EMC1: variants seen among roughly 807,000 people sequenced by gnomAD.
EMC1 encodes KIAA0090.
Under a neutral mutation model 128.8 loss-of-function variants are expected in EMC1, and 103 were observed. That is an observed-to-expected ratio of 0.80 (90% CI 0.68 to 0.94). The LOEUF is 0.94. Among genes scored for constraint, EMC1 ranks in the 40% least tolerant of loss-of-function variants. The probability of loss-of-function intolerance (pLI) is 0.00; values close to 1 mark genes in which losing one functional copy is unlikely to be tolerated. For missense variants in EMC1, 1,083 were observed against 1,250.6 expected (o/e 0.87, Z 2.02); for synonymous variants, 442 against 490.4 (o/e 0.90, Z 1.30).
chr1:19,220,743 C>T, intron 21 of EMC1, 21 bp downstream of exon 21: 2 of 1,593,422 alleles, frequency 1.3e-6, no homozygotes, highest in Non-Finnish European at 1.7e-6. Flanking sequence ...GAGCCTTCAG[C>T]ACTGCCCATG....
intron 1 of EMC1, among the ~76,000 whole-genome samples, chr1:19,250,176 C>T (rs1365182202): frequency 4.4e-5 from 6 of 135,402 alleles, no homozygotes; most frequent in African/African-American, 8.3e-5. Flanking sequence ...CATGAGATCG[C>T]GCCATTACAC....
chr1:19,225,141 G>A (rs992011368), intron 18 of EMC1, among the ~76,000 whole-genome samples: 4 of 152,024 alleles, frequency 2.6e-5, no homozygotes, highest in East Asian at 1.9e-4. Flanking sequence ...AAAGCCTCAC[G>A]AGGTCAGGAA....
Position 19,248,577 on chromosome 1 carries a change from G to A in EMC1, c.95+2838C>T, listed in dbSNP as rs144265233. On this transcript the variant is annotated intron_variant, in intron 1 of 22. Coordinates refer to ENST00000477853, the MANE Select transcript of EMC1 (RefSeq NM_015047.3). ...TGGGACTACAGGCGTGTGCCACCAC[G>A]CCCAGCTAATTTTCGTATTTTTAGG... Among the ~76,000 whole-genome samples the A allele has an allele frequency of 8.5e-5, 13 of 152,232 alleles. No homozygotes were observed. The East Asian group carries it at 1.9e-3, about 23-fold the overall frequency.
intron 1 of EMC1, among the ~76,000 whole-genome samples, chr1:19,247,207 T>C (rs928940708): frequency 6.6e-6 from 1 of 152,208 alleles, no homozygotes; most frequent in Non-Finnish European, 1.5e-5. Flanking sequence ...CCACTATAGA[T>C]ACACTTTTTA....
Position 19,242,485 on chromosome 1 carries a change from T to G in EMC1, c.381-12A>C. Reference sequence around the variant, plus strand: ...CAAGTGCCTGGAAACTGAACACAAGTACAGGTTGAGAGCAGCCCACACCTG... The same window carrying G: ...CAAGTGCCTGGAAACTGAACACAAGGACAGGTTGAGAGCAGCCCACACCTG... On this transcript the variant is annotated splice_polypyrimidine_tract_variant and intron_variant, in intron 4 of 22. Transcript: ENST00000477853. 2 of 1,614,000 alleles carry G rather than the reference T, an allele frequency of 1.2e-6. No homozygotes were observed. The highest frequency in any genetic ancestry group is 1.7e-6 in the Non-Finnish European group (2 of 1,179,982).
chr1:19,247,265 C>T (rs1475751770), intron 1 of EMC1, among the ~76,000 whole-genome samples: 1 of 152,170 alleles, frequency 6.6e-6, no homozygotes, highest in East Asian at 1.9e-4. Flanking sequence ...GATTGAACTC[C>T]TGGGCTCAAG....
At chr1:19,239,381 G>T in intron 8 of EMC1, 79 bp from the exon 9 acceptor site, 6 of 1,303,826 alleles carry the variant, frequency 4.6e-6, no homozygotes, top group South Asian at 1.2e-5. Flanking sequence ...CCTCTCCAGG[G>T]AAGGCCCTTG....
At chr1:19,235,386 G>A (rs547146996) in intron 12 of EMC1, 134 bp from the exon 13 acceptor site, 2 of 856,468 alleles carry the variant, frequency 2.3e-6, no homozygotes, top group Non-Finnish European at 3.5e-6. Flanking sequence ...TGGACAACAG[G>A]GCAAAACCTT....
At chr1:19,220,261 T>G (rs1049313182) in intron 21 of EMC1, 1 of 159,496 alleles carries the variant, frequency 6.3e-6, no homozygotes, top group Non-Finnish European at 1.4e-5. Flanking sequence ...CTTGCCCACA[T>G]GGTCTGGCCC....
chr1:19,222,943 C>A (rs761723172), intron 19 of EMC1, 109 bp from the exon 20 acceptor site: 7 of 761,086 alleles, frequency 9.2e-6, no homozygotes, highest in Non-Finnish European at 1.5e-5. Context: ...TGAAGGAGAA[C>A]CATCAACTAG....
chr1:19,241,263 G>T, intron 5 of EMC1, 121 bp from the exon 6 acceptor site: 1 of 1,180,554 alleles, frequency 8.5e-7, no homozygotes. Context: ...GTTTTGTTTG[G>T]CTCACACAGT....
intron 1 of EMC1, among the ~76,000 whole-genome samples, chr1:19,246,319 A>G (rs55689911): frequency 0.42 from 63,984 of 151,936 alleles, 14,338 homozygotes; most frequent in East Asian, 0.72. Context: ...GAACTCAGGA[A>G]GCAGAGGTTG....
In EMC1 at chr1:19,218,113, A is replaced by C. The variant is rs1486059684; in HGVS notation, c.*1190T>G. On this transcript the variant is annotated 3_prime_UTR_variant, in exon 23 of 23. Coordinates refer to ENST00000477853, the MANE Select transcript of EMC1 (RefSeq NM_015047.3). The stretch of plus-strand genomic sequence containing the variant: ...TGTCATTTGTCACTTGCTTTATGCA[A>C]ACATTCGAGTGTACCTCTTTCACCA... 6.6e-6 allele frequency: 1 copy of C among 152,258 alleles called. No homozygotes were observed. The highest frequency in any genetic ancestry group is 1.5e-5 in the Non-Finnish European group (1 of 68,046). 9.4% of individuals were successfully genotyped at this position (152,258 alleles called of 1,614,324 possible).
rs914641666 is a variant in EMC1 at position 19,230,715 on chromosome 1, A to G, written c.2064+129T>C. ...AATATGAACAAATGATTGACTTTGT[A>G]TCAGACATCAGGATTATGCTAATCT... On this transcript the variant is annotated intron_variant, in intron 17 of 22. Coordinates refer to ENST00000477853, the MANE Select transcript of EMC1 (RefSeq NM_015047.3). 1.5e-5 allele frequency: 18 copies of G among 1,215,570 alleles called. No homozygotes were observed. The African/African-American group carries it at 2.0e-4, about 13-fold the overall frequency. The allele number at this position is 1,215,570 out of a possible 1,614,324, so 75.3% of individuals were successfully genotyped here.
chr1:19,245,900 T>A (rs1045633716), intron 1 of EMC1, among the ~76,000 whole-genome samples: 2 of 151,912 alleles, frequency 1.3e-5, no homozygotes, highest in African/African-American at 4.8e-5. Context: ...GTGTTGGGAT[T>A]ACAGGCGTGA....
At chr1:19,231,524 C>T (rs55748756) in intron 15 of EMC1, 102 bp from the exon 16 acceptor site, 143,667 of 1,239,902 alleles carry the variant, frequency 0.12, 8,845 homozygotes, top group African/African-American at 0.16. Context: ...TGTGGGGGTT[C>T]TCTAGTCTTT....
intron 4 of EMC1, 72 bp downstream of exon 4, chr1:19,243,542 T>C (rs1464813315): frequency 7.3e-7 from 1 of 1,367,404 alleles, no homozygotes; most frequent in Admixed American, 1.7e-5. Flanking sequence ...AGCCCAGAGT[T>C]GCTGTCTATG....
At chr1:19,228,188 A>G (rs1032841699) in intron 17 of EMC1, among the ~76,000 whole-genome samples, 1 of 148,032 alleles carries the variant, frequency 6.8e-6, no homozygotes, top group Non-Finnish European at 1.5e-5. Context: ...CTGGGCAACA[A>G]GAGCGAAACT....
At position 19,219,649 on chromosome 1, in the gene EMC1, G is replaced by A. The variant is rs1449245648; in HGVS notation, c.2722C>T (p.Arg908Ter). Residue 908 changes from arginine (R) to a stop codon, truncating the protein, a stop_gained, in exon 22 of 23, where the codon CGA (arginine) becomes TGA (stop). Transcript: ENST00000477853. LOFTEE classifies it high-confidence loss of function. ...ACTGTCTGGTTATAGTTGATGAATC[G>A]CTCTGCGTGTATCTGTACATCTGGA... is the stretch of plus-strand genomic sequence containing the variant. ...YSPDVQIHAERFINYNQTVSR... is the reference protein window; with the variant it reads ...YSPDVQIHAE The A allele has an allele frequency of 1.3e-5, 21 of 1,613,976 alleles. No individual in the cohort carries two copies. Among genetic ancestry groups the A allele is most frequent in the East Asian group, 4.5e-5 (2 of 44,858 alleles).
Sources: allele counts gnomAD v4.1 joint callset (sites outside exome capture counted in the v4.1 genomes callset), GRCh38; gene constraint gnomAD v4.1.1; transcripts MANE v1.5; gene names NCBI Gene and HGNC (gene_info 2026-07-23, HGNC 2026-07-21).